Variants in UBE3B observed in about 807,000 individuals in gnomAD.
UBE3B encodes ubiquitin protein ligase E3B.
Under a neutral mutation model 132.3 loss-of-function variants are expected in UBE3B, and 80 were observed. That is an observed-to-expected ratio of 0.60 (90% CI 0.50 to 0.73). UBE3B has a LOEUF of 0.73. UBE3B is among the 30% of genes least tolerant of loss of function. The probability of loss-of-function intolerance (pLI) is 0.00; values close to 1 mark genes in which losing one functional copy is unlikely to be tolerated. For missense variants in UBE3B, 1,196 were observed against 1,362.5 expected (o/e 0.88, Z 1.92); for synonymous variants, 487 against 520.4 (o/e 0.94, Z 0.87).
intron 5 of UBE3B, among the ~76,000 whole-genome samples, 199 bp downstream of exon 5, chr12:109,486,270 A>G (rs900158971): frequency 2.0e-5 from 3 of 152,230 alleles, no homozygotes; most frequent in Admixed American, 6.5e-5. Context: ...GCCACAACAC[A>G]GGATAGTAAA....
At chr12:109,537,765 C>T (rs980280756), downstream of UBE3B, among the ~76,000 whole-genome samples, 1 of 152,044 alleles carries the variant, frequency 6.6e-6, no homozygotes, top group Non-Finnish European at 1.5e-5. Flanking sequence ...AGTGCAGTGG[C>T]GCGATCTCAG....
intron 21 of UBE3B, among the ~76,000 whole-genome samples, chr12:109,523,590 C>G (rs1199569974): frequency 6.6e-6 from 1 of 152,250 alleles, no homozygotes; most frequent in Non-Finnish European, 1.5e-5. Context: ...CTGTGCTCCT[C>G]TGGCCCCTGC....
At chr12:109,504,746 G>A (rs911936213) in intron 14 of UBE3B, among the ~76,000 whole-genome samples, 3 of 152,106 alleles carry the variant, frequency 2.0e-5, no homozygotes, top group African/African-American at 2.4e-5. Flanking sequence ...GTACCCCAGC[G>A]CCTGAGGGTT....
intron 18 of UBE3B, among the ~76,000 whole-genome samples, chr12:109,516,047 T>C (rs1173637219): frequency 6.6e-6 from 1 of 152,172 alleles, no homozygotes; most frequent in African/African-American, 2.4e-5. Context: ...GGATTCATAA[T>C]ATTGATTTCC....
At chr12:109,503,246 T>G (rs1879221824) in intron 14 of UBE3B, 56 bp downstream of exon 14, 1 of 1,573,788 alleles carries the variant, frequency 6.4e-7, no homozygotes, top group Non-Finnish European at 8.6e-7. Context: ...ACAGTTTGTC[T>G]TAGCAAAAGT....
Position 109,533,559 on chromosome 12 carries a change from G to T in UBE3B, c.3015+1G>T. On this transcript the variant is annotated splice_donor_variant, in intron 27 of 27. Transcript: ENST00000342494. LOFTEE classifies it high-confidence loss of function. ...CTGCGTGGAGGTGTCGGACGATCAG[G>T]TACCCCCACGGGGTGGGTGGGGAAG... 1 of 1,612,516 alleles carries T rather than the reference G, an allele frequency of 6.2e-7. No individual in the cohort carries two copies. The highest frequency in any genetic ancestry group is 8.5e-7 in the Non-Finnish European group (1 of 1,179,618).
intron 9 of UBE3B, 27 bp from the exon 10 acceptor site, chr12:109,497,791 T>G: frequency 6.2e-7 from 1 of 1,612,430 alleles, no homozygotes; most frequent in Non-Finnish European, 8.5e-7. Context: ...GAGACCTGTC[T>G]GAATGAGTGG....
At chr12:109,509,385 A>G (rs1880075330) in intron 15 of UBE3B, 3 of 400,934 alleles carry the variant, frequency 7.5e-6, no homozygotes, top group Non-Finnish European at 1.3e-5. Context: ...TAAGCTCTAC[A>G]TGCATTAGGT....
chr12:109,503,147 C>T lies in UBE3B; in HGVS notation c.1407C>T (p.Thr469=), dbSNP rs750360001. Reference sequence around the variant, plus strand: ...GCAACATCTGTGTCCTCTACCAGACCTCGCTGACAACTCTCACACAGATTC... The same window carrying T: ...GCAACATCTGTGTCCTCTACCAGACTTCGCTGACAACTCTCACACAGATTC... ...KVCNICVLYQ[T]SLTTLTQIRL... Residue 469 remains threonine, a synonymous_variant, in exon 14 of 28, where the codon ACC becomes ACT. Transcript: ENST00000342494. 22 of 1,614,112 alleles carry T rather than the reference C, an allele frequency of 1.4e-5. No homozygotes were observed. Among genetic ancestry groups the T allele is most frequent in the Non-Finnish European group, 1.8e-5 (21 of 1,180,056 alleles).
intron 14 of UBE3B, among the ~76,000 whole-genome samples, chr12:109,505,485 A>G (rs1483945221): frequency 2.0e-5 from 3 of 152,204 alleles, no homozygotes; most frequent in African/African-American, 7.2e-5. Context: ...ATAGGAGTAT[A>G]TTTGTGATCT....
chr12:109,534,746 C>T lies in UBE3B; in HGVS notation c.3171C>T (p.Tyr1057=), dbSNP rs772278597. Residue 1057 remains tyrosine (Y), a synonymous_variant, in exon 28 of 28, where the codon TAC becomes TAT. Coordinates refer to ENST00000342494, the MANE Select transcript of UBE3B (RefSeq NM_130466.4). The surrounding 1 kb of genome is among the most constrained non-coding windows in gnomAD (Gnocchi z 5.2). ...KKSVLREKLR[Y]AISMNTGFEL... ...GCGTCCTCCGCGAGAAGCTGCGCTACGCCATCAGCATGAACACGGGCTTTG... is the reference window on the plus strand; with the variant it reads ...GCGTCCTCCGCGAGAAGCTGCGCTATGCCATCAGCATGAACACGGGCTTTG... 8.8e-6 allele frequency: 14 copies of T among 1,585,098 alleles called. 1 individual carries two copies. The South Asian group carries it at 1.0e-4, about 12-fold the overall frequency.
intron 18 of UBE3B, among the ~76,000 whole-genome samples, chr12:109,514,399 T>C (rs947742372): frequency 1.1e-4 from 16 of 152,198 alleles, no homozygotes; most frequent in African/African-American, 3.6e-4. Flanking sequence ...GCCCAGCCCT[T>C]GCAGCCTGGA....
chr12:109,490,986 A>C (rs1877378542), intron 8 of UBE3B, 59 bp from the exon 9 acceptor site: 4 of 1,564,246 alleles, frequency 2.6e-6, no homozygotes, highest in Non-Finnish European at 1.7e-6. Flanking sequence ...TTGCTCTTTT[A>C]TGTACAAATG....
At position 109,534,670 on chromosome 12, in the gene UBE3B, C is replaced by T; in HGVS notation, c.3095C>T (p.Thr1032Ile). ...RKREPGGRLP[T>I]SSTCFNLLKL... ...CGGGAGCCAGGCGGCCGCCTGCCCA[C>T]CTCCTCCACCTGCTTCAACCTGCTC... Residue 1032 changes from threonine to isoleucine, a missense_variant, in exon 28 of 28, where the codon ACC becomes ATC. Coordinates refer to ENST00000342494, the MANE Select transcript of UBE3B (RefSeq NM_130466.4). This position sits in a 1 kb window ranked among gnomAD's most constrained non-coding sequence, Gnocchi z 5.2. The T allele has an allele frequency of 1.2e-6, 2 of 1,611,324 alleles. No homozygotes were observed. The highest frequency in any genetic ancestry group is 1.7e-6 in the Non-Finnish European group (2 of 1,178,912).
intron 24 of UBE3B, chr12:109,528,594 C>T: frequency 1.4e-6 from 1 of 728,952 alleles, no homozygotes. Context: ...TGGCTCACAC[C>T]TGTAATCCCA....
chr12:109,528,298 T>C, intron 24 of UBE3B: 14 of 980,374 alleles, frequency 1.4e-5, no homozygotes, highest in Non-Finnish European at 1.7e-5. Flanking sequence ...CCCTCTCACC[T>C]CCTCCCTTCC....
In UBE3B at chr12:109,503,319, T is replaced by C. The variant is rs550838359; in HGVS notation, c.1450+129T>C. ...ATTCTGAAGGAGGGCATTTTTGAGC[T>C]GTTCCTCTTAGAGATTAGTCCACCT... On this transcript the variant is annotated intron_variant, in intron 14 of 27. Transcript: ENST00000342494. 147 of 1,257,638 alleles carry C rather than the reference T, an allele frequency of 1.2e-4. 1 individual carries two copies. The South Asian group carries it at 2.2e-3, about 19-fold the overall frequency. The allele number at this position is 1,257,638 out of a possible 1,614,324, so 77.9% of individuals were successfully genotyped here.
rs1386352937 is a variant in UBE3B at position 109,529,943 on chromosome 12, A to G, written c.2681A>G (p.Asn894Ser). The change falls in exon 25 of 28, where the codon AAC becomes AGC. Residue 894 changes from asparagine (N) to serine (S), a missense_variant. Asn to Ser is a conservative substitution (Grantham distance 46). Transcript: ENST00000342494. ...AHFRMHTQIK[N>S]QTAALISGFR... ...TTTCGAATGCACACTCAAATAAAAA[A>G]CCAAACAGCTGCCCTCATTAGCGGA... The G allele has an allele frequency of 3.1e-6, 5 of 1,614,078 alleles. No homozygotes were observed. The highest frequency in any genetic ancestry group is 4.2e-6 in the Non-Finnish European group (5 of 1,180,052).
At chr12:109,490,818 TTTTTTTG>T in intron 8 of UBE3B, 1 of 1,288,680 alleles carries the variant, frequency 7.8e-7, no homozygotes, top group Non-Finnish European at 1.0e-6. Flanking sequence ...TGTTTTTTTG[TTTTTTTG>T]TTTTTTTTTT....
Sources: allele counts gnomAD v4.1 joint callset (sites outside exome capture counted in the v4.1 genomes callset), GRCh38; gene constraint gnomAD v4.1.1; non-coding constraint Gnocchi (gnomAD v3.1); transcripts MANE v1.5; gene names NCBI Gene and HGNC (gene_info 2026-07-23, HGNC 2026-07-21).